LTF: variants seen among roughly 807,000 people sequenced by gnomAD.
LTF encodes epididymis luminal protein 110.
Under a neutral mutation model 87.2 loss-of-function variants are expected in LTF, and 91 were observed. That is an observed-to-expected ratio of 1.04 (90% CI 0.88 to 1.24). The LOEUF (loss-of-function observed/expected upper bound fraction) is 1.24. Among genes scored for constraint, LTF ranks in the 50% most tolerant of loss-of-function variants. The probability of loss-of-function intolerance (pLI) is 0.00; values close to 1 mark genes in which losing one functional copy is unlikely to be tolerated. For synonymous variants in LTF, 378 were observed against 356.1 expected (o/e 1.06, Z -0.69); for missense variants, 901 against 904.3 (o/e 1.00, Z 0.05).
At position 46,446,662 on chromosome 3, in the gene LTF, A is replaced by G. The variant is rs567124829; in HGVS notation, c.1304-169T>C. On this transcript the variant is annotated intron_variant, in intron 10 of 16. Coordinates refer to ENST00000231751, the MANE Select transcript of LTF (RefSeq NM_002343.6). ...AACAAAAGACATGGCACAGAGATTCACAGCTGCATTATTCACCACAGCCAC... is the reference window on the plus strand; with the variant it reads ...AACAAAAGACATGGCACAGAGATTCGCAGCTGCATTATTCACCACAGCCAC... Among the ~76,000 whole-genome samples, 3 of 152,358 alleles carry G rather than the reference A, an allele frequency of 2.0e-5. No homozygotes were observed. The South Asian group carries it at 6.2e-4, about 32-fold the overall frequency.
chr3:46,475,515 AACACACACACACACACACACAC>A (rs59984149), intron 1 of LTF, among the ~76,000 whole-genome samples: 80 of 131,074 alleles, frequency 6.1e-4, no homozygotes, highest in African/African-American at 2.0e-3. Flanking sequence ...TCTCCCCCTA[AACACACACACACACACACACAC>A]ACACACACAC....
rs762649733 is a variant in LTF, at chr3:46,449,887, C to T, written c.1024G>A (p.Gly342Ser). The T allele has an allele frequency of 4.0e-5, 64 of 1,614,088 alleles. 1 individual carries two copies. Among genetic ancestry groups the T allele is most frequent in the South Asian group, 9.9e-5 (9 of 91,076 alleles). Residue 342 changes from glycine to serine, a missense_variant, in exon 8 of 17, where the codon GGC becomes AGC. By Grantham distance (56) the Gly-to-Ser change is moderately conservative. Transcript: ENST00000231751. ...RIDSGLYLGSGYFTAIQNLRK... is the reference protein window; with the variant it reads ...RIDSGLYLGSSYFTAIQNLRK... Reference sequence around the variant, plus strand: ...AAGTTCTGGATGGCAGTGAAGTAGCCGGAGCCAAGGTACAGCCCAGAATCT... The same window carrying T: ...AAGTTCTGGATGGCAGTGAAGTAGCTGGAGCCAAGGTACAGCCCAGAATCT...
At chr3:46,457,723 C>G (rs1474348512) in intron 2 of LTF, among the ~76,000 whole-genome samples, 1 of 152,164 alleles carries the variant, frequency 6.6e-6, no homozygotes, top group Non-Finnish European at 1.5e-5. Context: ...TTCCCTCTTA[C>G]TGGTAACTCT....
In LTF at chr3:46,449,026, G is replaced by A. The variant is rs758245426; in HGVS notation, c.1058-9C>T. ...AGCCACTTCCTCCTCACCTGCCAGA[G>A]GGAAGACCGCAGGTGGCTGGGCAAC... On this transcript the variant is annotated splice_polypyrimidine_tract_variant and intron_variant, in intron 8 of 16. Transcript: ENST00000231751. 3.1e-6 allele frequency: 5 copies of A among 1,602,536 alleles called. No homozygotes were observed. Among genetic ancestry groups the A allele is most frequent in the Admixed American group, 3.4e-5 (2 of 58,002 alleles).
chr3:46,447,630 G>A (rs1458406315), intron 9 of LTF, among the ~76,000 whole-genome samples: 1 of 152,216 alleles, frequency 6.6e-6, no homozygotes. Flanking sequence ...GGCACAGGTT[G>A]CACTAATCCT....
intron 1 of LTF, among the ~76,000 whole-genome samples, chr3:46,476,124 T>C (rs571848346): frequency 6.6e-6 from 1 of 152,336 alleles, no homozygotes; most frequent in South Asian, 2.1e-4. Flanking sequence ...AAAATCTAAT[T>C]ACTTGGGAGT....
chr3:46,466,689 T>C (rs1226766618), upstream of LTF, among the ~76,000 whole-genome samples: 2 of 152,226 alleles, frequency 1.3e-5, no homozygotes, highest in African/African-American at 2.4e-5. Flanking sequence ...AGGTCTCTCA[T>C]TGTTTGGAAA....
chr3:46,470,910 T>A (rs1233474771), intron 1 of LTF, among the ~76,000 whole-genome samples: 2 of 152,192 alleles, frequency 1.3e-5, no homozygotes, highest in Non-Finnish European at 2.9e-5. Context: ...GCTTGTGCAG[T>A]GCTCAGTACA....
Position 46,439,318 on chromosome 3 carries a change from T to C in LTF, c.1886A>G (p.Lys629Arg). ...TACCTGTTGGTGGAGCAACACCTGT[T>C]TCAGGCGTTCCACCTTATCCATCCG... The part of the protein sequence containing the change: ...VSRMDKVERL[K>R]QVLLHQQAKF... The change falls in exon 15 of 17, where the codon AAA (lysine) becomes AGA (arginine). Residue 629 changes from lysine (K) to arginine (R), a missense_variant. Lys to Arg is a conservative substitution (Grantham distance 26). Coordinates refer to ENST00000231751, the MANE Select transcript of LTF (RefSeq NM_002343.6). 6.2e-7 allele frequency: 1 copy of C among 1,613,364 alleles called. No individual in the cohort carries two copies. Among genetic ancestry groups the C allele is most frequent in the Non-Finnish European group, 8.5e-7 (1 of 1,179,586 alleles).
chr3:46,440,693 A>C (rs1366879154), intron 14 of LTF, among the ~76,000 whole-genome samples: 2 of 152,342 alleles, frequency 1.3e-5, no homozygotes, highest in East Asian at 3.9e-4. Context: ...AGAAGGGAGA[A>C]GTGGCTGAGA....
chr3:46,483,685 G>C (rs1322298838), intron 1 of LTF, among the ~76,000 whole-genome samples: 1 of 152,160 alleles, frequency 6.6e-6, no homozygotes, highest in African/African-American at 2.4e-5. Context: ...TCTATTCCTT[G>C]ATTTGGGTGG....
Position 46,455,322 on chromosome 3 carries a change from G to A in LTF, c.620C>T (p.Pro207Leu), listed in dbSNP as rs567015734. 15 of 1,614,224 alleles carry A rather than the reference G, an allele frequency of 9.3e-6. No homozygotes were observed. Among genetic ancestry groups the A allele is most frequent in the South Asian group, 4.4e-5 (4 of 91,088 alleles). ...GAAGGCACCAGAGTAGCTGAAGTAC[G>A]GTTCCTGGGAGGAGAAGGCACATTT... ...ENKCAFSSQE[P>L]YFSYSGAFKC... The change falls in exon 5 of 17, where the codon CCG becomes CTG. Residue 207 changes from proline (P) to leucine (L), a missense_variant. Transcript: ENST00000231751.
At chr3:46,444,810 A>G (rs1426787598) in intron 12 of LTF, among the ~76,000 whole-genome samples, 2 of 152,238 alleles carry the variant, frequency 1.3e-5, no homozygotes, top group African/African-American at 4.8e-5. Flanking sequence ...AGAAAACTGC[A>G]GAAGCAGGTG....
intron 6 of LTF, among the ~76,000 whole-genome samples, chr3:46,453,116 A>T (rs1260374022): frequency 6.6e-6 from 1 of 152,256 alleles, no homozygotes; most frequent in East Asian, 1.9e-4. Flanking sequence ...TCTGTCCTTG[A>T]ATCAAAATCA....
At chr3:46,482,049 C>T (rs1703436836) in intron 1 of LTF, among the ~76,000 whole-genome samples, 1 of 152,158 alleles carries the variant, frequency 6.6e-6, no homozygotes, top group African/African-American at 2.4e-5. Context: ...CATTTTTTTT[C>T]ATGAATCAGA....
At chr3:46,476,145 A>G (rs188798001) in intron 1 of LTF, among the ~76,000 whole-genome samples, 33 of 152,348 alleles carry the variant, frequency 2.2e-4, no homozygotes, top group South Asian at 1.2e-3. Context: ...TTCCACTAAC[A>G]TAATAATGAG....
At chr3:46,455,180 A>G in intron 5 of LTF, 115 bp downstream of exon 5, 2 of 1,256,946 alleles carry the variant, frequency 1.6e-6, no homozygotes, top group Non-Finnish European at 2.3e-6. Context: ...AGGAGAACAG[A>G]CCTCCTCTCG....
At chr3:46,438,917 C>T (rs930609383) in intron 15 of LTF, among the ~76,000 whole-genome samples, 1 of 152,106 alleles carries the variant, frequency 6.6e-6, no homozygotes, top group African/African-American at 2.4e-5. Context: ...GTTCACTCGG[C>T]CCAGGTTCAG....
At chr3:46,438,191 G>T in intron 15 of LTF, 62 bp from the exon 16 acceptor site, 1 of 1,362,688 alleles carries the variant, frequency 7.3e-7, no homozygotes. Flanking sequence ...GTTAAAGGAG[G>T]CAAAGGGGTA....
Sources: allele counts gnomAD v4.1 joint callset (sites outside exome capture counted in the v4.1 genomes callset), GRCh38; gene constraint gnomAD v4.1.1; transcripts MANE v1.5; gene names NCBI Gene and HGNC (gene_info 2026-07-23, HGNC 2026-07-21).